Variants in CCDC125 observed in about 807,000 individuals in gnomAD.
CCDC125 encodes coiled-coil domain-containing protein 125.
Under a neutral mutation model 57.4 loss-of-function variants are expected in CCDC125, and 43 were observed. The observed-to-expected ratio is 0.75, with a 90% CI of 0.59 to 0.97. CCDC125 has a LOEUF of 0.97. CCDC125 is among the 50% of genes least tolerant of loss of function. The pLI, the probability that CCDC125 is intolerant of heterozygous loss-of-function variation, is 0.00. For missense variants in CCDC125, 563 were observed against 595.7 expected, an observed-to-expected ratio of 0.95 and a Z score of 0.57; for synonymous variants, 187 against 195.2, an observed-to-expected ratio of 0.96 and a Z score of 0.35.
At chr5:69,321,476 A>G (rs1760013138) in intron 1 of CCDC125, among the ~76,000 whole-genome samples, 1 of 152,220 alleles carries the variant, frequency 6.6e-6, no homozygotes, top group Non-Finnish European at 1.5e-5. Context: ...CCTAGATGGT[A>G]TAGCCTACTA....
intron 5 of CCDC125, 92 bp from the exon 6 acceptor site, chr5:69,306,994 T>C (rs1757421026): frequency 2.3e-6 from 3 of 1,293,406 alleles, no homozygotes; most frequent in Admixed American, 6.3e-5. Flanking sequence ...ATATAATCAG[T>C]TCTCAGAAAT....
In CCDC125 at chr5:69,300,022, G is replaced by T. The variant is rs1756123425; in HGVS notation, c.806C>A (p.Ser269Ter). The change falls in exon 8 of 12, where the codon TCA (serine) becomes TAA (stop). Residue 269 changes from serine (S) to a stop codon, truncating the protein, a stop_gained. Coordinates refer to ENST00000396496, the MANE Select transcript of CCDC125 (RefSeq NM_176816.5). LOFTEE classifies it high-confidence loss of function. ...TGCATGCTTACCTACCTCAAGACCT[G>T]AAGCCTCTGCAAAGCCACTTTTATC... ...CCDKSGFAEA[S>*]GLELAVLGAC... 2 of 1,613,390 alleles carry T rather than the reference G, an allele frequency of 1.2e-6. No individual in the cohort carries two copies. The highest frequency in any genetic ancestry group is 2.7e-5 in the African/African-American group (2 of 74,916).
At chr5:69,314,129 A>G (rs1758614138) in intron 2 of CCDC125, 83 bp from the exon 3 acceptor site, 1 of 966,202 alleles carries the variant, frequency 1.0e-6, no homozygotes, top group South Asian at 1.3e-5. Flanking sequence ...TTGTTTACAA[A>G]TTACCAAATA....
chr5:69,278,701 TCC>T (rs1417335281), downstream of CCDC125, among the ~76,000 whole-genome samples: 3 of 120,456 alleles, frequency 2.5e-5, no homozygotes, highest in Non-Finnish European at 3.3e-5. Context: ...AATCTCTCTC[TCC>T]TTTTTTTTTT....
At chr5:69,298,888 C>T (rs991944999) in intron 8 of CCDC125, among the ~76,000 whole-genome samples, 2 of 152,194 alleles carry the variant, frequency 1.3e-5, no homozygotes, top group Admixed American at 6.5e-5. Flanking sequence ...ATCCCAGCTC[C>T]ACCACGCACT....
At position 69,282,643 on chromosome 5, in the gene CCDC125, CT is replaced by C. The variant is rs1434583170; in HGVS notation, c.*85del. 14 of 1,146,746 alleles carry C rather than the reference CT, an allele frequency of 1.2e-5. No individual in the cohort carries two copies. The highest frequency in any genetic ancestry group is 1.6e-5 in the Non-Finnish European group (13 of 808,028). 71.0% of individuals were successfully genotyped at this position (1,146,746 alleles called of 1,614,324 possible). A position where few individuals can be genotyped will look rare whatever the true frequency, so the allele number is the denominator to read the frequency against. On this transcript the variant is annotated 3_prime_UTR_variant, in exon 12 of 12. Transcript: ENST00000396496. ...GAAATACCTAGGAAACATACAACTTCTCAAGATGCAGCAAAATTTACAAAAT... is the reference window on the plus strand; with the variant it reads ...GAAATACCTAGGAAACATACAACTTCCAAGATGCAGCAAAATTTACAAAAT...
intron 3 of CCDC125, among the ~76,000 whole-genome samples, chr5:69,313,141 A>G (rs1758433834): frequency 6.6e-6 from 1 of 152,210 alleles, no homozygotes; most frequent in South Asian, 2.1e-4. Context: ...CTTCAACCCA[A>G]GAGGAATCAG....
intron 1 of CCDC125, among the ~76,000 whole-genome samples, chr5:69,332,393 G>T (rs1177352406): frequency 6.6e-6 from 1 of 152,036 alleles, no homozygotes; most frequent in Non-Finnish European, 1.5e-5. Context: ...TCTGTTTCAG[G>T]ATCCAAACCA....
intron 1 of CCDC125, among the ~76,000 whole-genome samples, 152 bp downstream of exon 1, chr5:69,332,495 CTG>C (rs1433371092): frequency 7.2e-5 from 11 of 152,312 alleles, no homozygotes; most frequent in Admixed American, 5.9e-4. Flanking sequence ...AATAGGGTCT[CTG>C]AAATCTATTT....
intron 3 of CCDC125, among the ~76,000 whole-genome samples, chr5:69,312,487 C>T (rs772090144): frequency 6.6e-6 from 1 of 152,216 alleles, no homozygotes; most frequent in Non-Finnish European, 1.5e-5. Flanking sequence ...ACACCCCTCG[C>T]AGAAACTGCT....
intron 9 of CCDC125, among the ~76,000 whole-genome samples, chr5:69,293,238 A>C (rs1754765034): frequency 6.6e-6 from 1 of 152,176 alleles, no homozygotes; most frequent in South Asian, 2.1e-4. Context: ...TCTTAGGCTC[A>C]AGTGATTCTC....
intron 2 of CCDC125, among the ~76,000 whole-genome samples, chr5:69,317,973 ATTTTTTTTTTT>A (rs34680998): frequency 4.9e-5 from 4 of 82,356 alleles, no homozygotes; most frequent in Admixed American, 1.6e-4. Flanking sequence ...TGTCTCTAGA[ATTTTTTTTTTT>A]TTTTTTTTTT....
At position 69,311,199 on chromosome 5, in the gene CCDC125, T is replaced by C. The variant is rs766806855; in HGVS notation, c.372A>G (p.Val124=). 1 of 1,599,286 alleles carries C rather than the reference T, an allele frequency of 6.3e-7. No individual in the cohort carries two copies. Among genetic ancestry groups the C allele is most frequent in the South Asian group, 1.1e-5 (1 of 90,344 alleles). ...CCTCAAGTTCAGTTTTTAACATTTC[T>C]ACCTCCTGAGGACAGAAAGAAAATT... The part of the protein sequence containing the change: ...RQCLNETLEE[V]EMLKTELEAS... Residue 124 remains valine (V), a synonymous_variant, in exon 4 of 12, where the codon GTA becomes GTG. Coordinates refer to ENST00000396496, the MANE Select transcript of CCDC125 (RefSeq NM_176816.5).
In CCDC125 at chr5:69,314,628, C is replaced by G. The variant is rs146753840; in HGVS notation, c.305-582G>C. Among the ~76,000 whole-genome samples the G allele has an allele frequency of 1.6e-3, 240 of 152,118 alleles. 1 individual carries two copies. The highest frequency in any genetic ancestry group is 5.5e-3 in the African/African-American group (228 of 41,496). ...AGAAACAAGCCTAGGCAACACAGAC[C>G]TCCGTCTCTACAAAATATAAAATAA... On this transcript the variant is annotated intron_variant, in intron 2 of 11. Coordinates refer to ENST00000396496, the MANE Select transcript of CCDC125 (RefSeq NM_176816.5).
At chr5:69,320,182 T>C (rs1163721385) in intron 2 of CCDC125, 55 bp downstream of exon 2, 43 of 1,426,900 alleles carry the variant, frequency 3.0e-5, no homozygotes, top group Non-Finnish European at 4.2e-5. Flanking sequence ...GGAAGGGTTA[T>C]AGCTTTGATA....
intron 1 of CCDC125, among the ~76,000 whole-genome samples, chr5:69,322,072 C>G (rs1192443855): frequency 1.3e-5 from 2 of 152,028 alleles, no homozygotes; most frequent in Non-Finnish European, 2.9e-5. Flanking sequence ...AACTCCTGAC[C>G]TCAGGTGATC....
chr5:69,318,292 T>C (rs1759454259), intron 2 of CCDC125, among the ~76,000 whole-genome samples: 1 of 151,676 alleles, frequency 6.6e-6, no homozygotes, highest in South Asian at 2.1e-4. Flanking sequence ...AAAAATTTCT[T>C]TTAAATTAGC....
chr5:69,327,950 G>A (rs368663617), intron 1 of CCDC125, among the ~76,000 whole-genome samples: 137 of 152,290 alleles, frequency 9.0e-4, no homozygotes, highest in African/African-American at 3.2e-3. Context: ...GGGCTGGAGT[G>A]CAATGGCGCA....
intron 4 of CCDC125, 134 bp downstream of exon 4, chr5:69,310,984 G>T: frequency 2.0e-6 from 1 of 497,652 alleles, no homozygotes; most frequent in South Asian, 2.6e-5. Flanking sequence ...AAATTATAAA[G>T]CTCTTAAAAA....
Sources: gnomAD v4.1 joint callset for allele counts (sites outside exome capture counted in the v4.1 genomes callset) on GRCh38, gnomAD v4.1.1 for gene constraint, MANE v1.5 for transcripts, NCBI Gene and HGNC (gene_info 2026-07-23, HGNC 2026-07-21) for gene names.